The following INSL6 variants were observed in gnomAD, a reference collection of about 807,000 sequenced individuals.
INSL6 encodes the protein insulin-like peptide INSL6.
INSL6 carries 16 observed loss-of-function variants against 9.4 expected under a neutral mutation model. The ratio of observed to expected loss-of-function variants is 1.70; its 90% CI spans 1.15 to 2.59. The LOEUF (loss-of-function observed/expected upper bound fraction) is 2.59, where lower values mean the gene tolerates loss of function less well. INSL6 is among the 30% of genes most tolerant of loss of function. The probability of loss-of-function intolerance (pLI) is 0.00; values close to 1 mark genes in which losing one functional copy is unlikely to be tolerated. For synonymous variants in INSL6, 154 were observed against 96.9 expected (o/e 1.59, Z -3.46); for missense variants, 391 against 257.3 (o/e 1.52, Z -3.56).
chr9:5,152,051 C>G (rs1824723404), intron 2 of INSL6, among the ~76,000 whole-genome samples: 1 of 151,852 alleles, frequency 6.6e-6, no homozygotes, highest in African/African-American at 2.4e-5. Context: ...TGATATGCAG[C>G]TAGCAAAATA....
At chr9:5,142,922 T>C (rs1469075973) in intron 2 of INSL6, among the ~76,000 whole-genome samples, 1 of 152,258 alleles carries the variant, frequency 6.6e-6, no homozygotes, top group Non-Finnish European at 1.5e-5. Context: ...TGTTAAATTT[T>C]CTTGAAAGCC....
At chr9:5,154,251 G>C (rs1407231109) in intron 2 of INSL6, among the ~76,000 whole-genome samples, 1 of 152,186 alleles carries the variant, frequency 6.6e-6, no homozygotes, top group Admixed American at 6.5e-5. Context: ...AAATGGTGTT[G>C]GGAAAACAGG....
chr9:5,143,453 A>T (rs949401454), intron 2 of INSL6, among the ~76,000 whole-genome samples: 2 of 151,568 alleles, frequency 1.3e-5, no homozygotes, highest in African/African-American at 4.9e-5. Flanking sequence ...CATTTCTTCT[A>T]TGTTTTCCAG....
the INSL6 span, among the ~76,000 whole-genome samples, chr9:5,036,960 T>C: frequency 2.0e-5 from 3 of 152,168 alleles, no homozygotes; most frequent in African/African-American, 7.2e-5. Flanking sequence ...TGTAATCTAC[T>C]CATCTGATAA....
At chr9:5,095,290 C>G in the INSL6 span, among the ~76,000 whole-genome samples, 1 of 152,104 alleles carries the variant, frequency 6.6e-6, no homozygotes, top group African/African-American at 2.4e-5. Context: ...CATCACAATG[C>G]TACGCTCACA....
chr9:5,178,060 G>C (rs962420878), intron 1 of INSL6, among the ~76,000 whole-genome samples: 4 of 152,274 alleles, frequency 2.6e-5, no homozygotes, highest in African/African-American at 9.6e-5. Context: ...ATTTTTAGTA[G>C]AGACAGGGTT....
the INSL6 span, among the ~76,000 whole-genome samples, chr9:5,015,037 T>C: frequency 6.6e-6 from 1 of 152,240 alleles, no homozygotes; most frequent in Non-Finnish European, 1.5e-5. Flanking sequence ...TTTTACAGCT[T>C]ACAGTTTTCT....
rs149140651 is a variant in INSL6, at chr9:5,166,942, G to C, written c.290-2677C>G. ...TAAACACGTTTTACAAATACATTAA[G>C]AAACGGTTCGGGGAAGCAGCCAAGA... is the stretch of plus-strand genomic sequence containing the variant. On this transcript the variant is annotated intron_variant, in intron 1 of 1. Coordinates refer to ENST00000381641, the MANE Select transcript of INSL6 (RefSeq NM_007179.3). Among the ~76,000 whole-genome samples the C allele has an allele frequency of 1.1e-3, 163 of 152,234 alleles. 2 individuals carry two copies. The East Asian group carries it at 0.012, about 11-fold the overall frequency.
At chr9:5,009,250 A>T in the INSL6 span, among the ~76,000 whole-genome samples, 1 of 152,200 alleles carries the variant, frequency 6.6e-6, no homozygotes, top group Admixed American at 6.5e-5. Flanking sequence ...CCATTTATTT[A>T]TTTCTATAGG....
At chr9:5,105,555 A>C in the INSL6 span, among the ~76,000 whole-genome samples, 2 of 152,346 alleles carry the variant, frequency 1.3e-5, no homozygotes, top group East Asian at 1.9e-4. Context: ...ATAGAACTGG[A>C]AACAACTACT....
chr9:5,062,649 T>C, the INSL6 span, among the ~76,000 whole-genome samples: 3 of 152,112 alleles, frequency 2.0e-5, no homozygotes, highest in African/African-American at 7.2e-5. Context: ...TATTTACAAC[T>C]TTGATAGATT....
the INSL6 span, among the ~76,000 whole-genome samples, chr9:5,078,091 ATTCAT>A: frequency 2.0e-5 from 3 of 152,326 alleles, no homozygotes; most frequent in South Asian, 2.1e-4. Context: ...GTTTTAATTT[ATTCAT>A]TTCATCACAA....
At chr9:5,178,718 A>C (rs1009723385) in intron 1 of INSL6, among the ~76,000 whole-genome samples, 2 of 152,156 alleles carry the variant, frequency 1.3e-5, no homozygotes, top group Admixed American at 1.3e-4. Flanking sequence ...ACACACCTAC[A>C]ACCATACGAT....
Position 5,185,586 on chromosome 9 carries a change from CG to C in INSL6, c.16del (p.Arg6AlafsTer18). 12 of 1,613,034 alleles carry C rather than the reference CG, an allele frequency of 7.4e-6. No homozygotes were observed. Among genetic ancestry groups the C allele is most frequent in the Non-Finnish European group, 1.0e-5 (12 of 1,179,846 alleles). On this transcript the variant is annotated frameshift_variant, in exon 1 of 2. Transcript: ENST00000381641. LOFTEE classifies it high-confidence loss of function. The stretch of plus-strand genomic sequence containing the variant: ...GAGTCCAAGCCACAGCAGGGACAAG[CG>C]GAGGAGCCGCGGCATCCCTGTGACC... Reference protein sequence around the residue: MPRLLRLSLLWLGLLL... With the variant: MPRLLXLSLLWLGLLL...
the INSL6 span, among the ~76,000 whole-genome samples, chr9:4,996,586 G>A: frequency 6.6e-6 from 1 of 151,574 alleles, no homozygotes; most frequent in African/African-American, 2.4e-5. Flanking sequence ...GAGGAGGGGC[G>A]GGGGTGATGT....
At chr9:5,028,131 G>C in the INSL6 span, among the ~76,000 whole-genome samples, 1 of 152,120 alleles carries the variant, frequency 6.6e-6, no homozygotes, top group Admixed American at 6.5e-5. Context: ...CTTACTAAAT[G>C]TGTTTCCCAA....
chr9:5,172,741 A>C (rs1015920604), intron 1 of INSL6, among the ~76,000 whole-genome samples: 1 of 152,180 alleles, frequency 6.6e-6, no homozygotes. Flanking sequence ...CAGTCTGGCC[A>C]ATGTAGTGAA....
chr9:5,089,797 A>G, the INSL6 span: 13 of 1,598,974 alleles, frequency 8.1e-6, no homozygotes, highest in Admixed American at 2.2e-4. Flanking sequence ...TGAAAGGGAA[A>G]TTGAAATCCT....
the INSL6 span, among the ~76,000 whole-genome samples, chr9:5,103,303 A>G: frequency 2.6e-5 from 4 of 151,180 alleles, no homozygotes; most frequent in African/African-American, 9.8e-5. Context: ...TTAAGCCAAC[A>G]AAGATCAAAA....
Sources: gnomAD v4.1 joint callset for allele counts (sites outside exome capture counted in the v4.1 genomes callset) on GRCh38, gnomAD v4.1.1 for gene constraint, MANE v1.5 for transcripts, NCBI Gene and HGNC (gene_info 2026-07-23, HGNC 2026-07-21) for gene names.